Variants in TIMM10 observed in about 807,000 individuals in gnomAD.
TIMM10 encodes translocase of inner mitochondrial membrane 10, also known as mitochondrial import inner membrane translocase subunit Tim10.
In TIMM10, 13 loss-of-function variants were observed where a neutral mutation model predicts 9.1. The ratio of observed to expected loss-of-function variants is 1.42; its 90% CI spans 0.93 to 2.26. The LOEUF is 2.26. Ranked by LOEUF, TIMM10 falls within the 30% of genes most tolerant of loss-of-function variation. TIMM10 has a pLI of 0.00. For synonymous variants in TIMM10, 40 were observed against 42.1 expected (o/e 0.95, Z 0.20); for missense variants, 82 against 113.6 (o/e 0.72, Z 1.26).
intron 1 of TIMM10, 150 bp from the exon 2 acceptor site, chr11:57,530,384 CTG>C: frequency 1.7e-6 from 1 of 572,316 alleles, no homozygotes; most frequent in Non-Finnish European, 3.1e-6. Context: ...GATGTGGAAA[CTG>C]AGGCCTAGCC....
Position 57,528,483 on chromosome 11 carries a change from T to TTATATATATATATATATATATATATATA in TIMM10, c.*206_*233dup, listed in dbSNP as rs10547275. ...ACATAGTAGGTGTCAACAAACTTGTTTATATATATATATATATATATATAT... is the reference window on the plus strand; with the variant it reads ...ACATAGTAGGTGTCAACAAACTTGTTTATATATATATATATATATATATATATATATATATATATATATATATATATAT... On this transcript the variant is annotated 3_prime_UTR_variant, in exon 3 of 3. Transcript: ENST00000257245. 1 of 149,530 alleles carries TTATATATATATATATATATATATATATA rather than the reference T, an allele frequency of 6.7e-6. No individual in the cohort carries two copies. The highest frequency in any genetic ancestry group is 1.9e-4 in the East Asian group (1 of 5,404). The allele number at this position is 149,530 out of a possible 1,614,324, so 9.3% of individuals were successfully genotyped here.
At chr11:57,530,045 C>T in intron 2 of TIMM10, 74 bp downstream of exon 2, 1 of 1,550,942 alleles carries the variant, frequency 6.4e-7, no homozygotes, top group East Asian at 2.3e-5. Flanking sequence ...AGGAATTTGT[C>T]ATAAGTCATT....
rs1389699094 is a variant in TIMM10, at chr11:57,530,173, G to A, written c.17C>T (p.Ala6Val). The A allele has an allele frequency of 5.0e-6, 8 of 1,614,086 alleles. No homozygotes were observed. Among genetic ancestry groups the A allele is most frequent in the Non-Finnish European group, 6.8e-6 (8 of 1,179,992 alleles). MDPLR[A>V]QQLAAELEVE... ...CTCCAGCTCCGCAGCCAGCTGTTGG[G>A]CCCTGAGAGGATCCATCTCAGCCTA... Residue 6 changes from alanine to valine, a missense_variant, in exon 2 of 3, where the codon GCC (alanine) becomes GTC (valine). Physicochemically the swap from Ala to Val is moderately conservative, Grantham distance 64. Coordinates refer to ENST00000257245, the MANE Select transcript of TIMM10 (RefSeq NM_012456.3).
At chr11:57,529,034 C>T in intron 2 of TIMM10, 116 bp from the exon 3 acceptor site, 2 of 1,102,798 alleles carry the variant, frequency 1.8e-6, no homozygotes, top group Non-Finnish European at 2.7e-6. Flanking sequence ...AGTGTAAATC[C>T]TCAGTTTACA....
chr11:57,530,261 C>G, intron 1 of TIMM10, 27 bp from the exon 2 acceptor site: 2 of 1,515,040 alleles, frequency 1.3e-6, no homozygotes, highest in Non-Finnish European at 1.8e-6. Flanking sequence ...CCATCAGCAC[C>G]CACCGCCGCC....
intron 2 of TIMM10, 87 bp downstream of exon 2, chr11:57,530,032 G>T: frequency 2.0e-6 from 3 of 1,486,630 alleles, no homozygotes; most frequent in Non-Finnish European, 2.8e-6. Flanking sequence ...CCTACATTCA[G>T]GAAGGAATTT....
At chr11:57,529,959 C>T (rs1944782673) in intron 2 of TIMM10, among the ~76,000 whole-genome samples, 160 bp downstream of exon 2, 1 of 152,190 alleles carries the variant, frequency 6.6e-6, no homozygotes, top group Admixed American at 6.5e-5. Context: ...CCCTTTACTG[C>T]ATCTACATTA....
chr11:57,528,956 C>T lies in TIMM10; in HGVS notation c.72-38G>A, dbSNP rs1307279121. 4 of 1,606,476 alleles carry T rather than the reference C, an allele frequency of 2.5e-6. No homozygotes were observed. The African/African-American group carries it at 5.4e-5, about 22-fold the overall frequency. ...AGGGGCAAGGTCATGTCAGCAGCATCCTGTGACATCCCAGGAACCTTGACC... is the reference window on the plus strand; with the variant it reads ...AGGGGCAAGGTCATGTCAGCAGCATTCTGTGACATCCCAGGAACCTTGACC... On this transcript the variant is annotated intron_variant, in intron 2 of 2. Transcript: ENST00000257245.
Position 57,528,842 on chromosome 11 carries a change from A to G in TIMM10, c.148T>C (p.Cys50Arg). The change falls in exon 3 of 3, where the codon TGC (cysteine) becomes CGC (arginine). Residue 50 changes from cysteine to arginine, a missense_variant. Physicochemically the swap from Cys to Arg is radical, Grantham distance 180. Transcript: ENST00000257245. ...EAELSKGESV[C>R]LDRCVSKYLD... ...TACTTAGAGACACATCGGTCCAGGC[A>G]CACAGACTCGCCCTTGGAGAGCTCT... is the stretch of plus-strand genomic sequence containing the variant. 6.2e-7 allele frequency: 1 copy of G among 1,614,056 alleles called. No individual in the cohort carries two copies. The highest frequency in any genetic ancestry group is 8.5e-7 in the Non-Finnish European group (1 of 1,180,010).
chr11:57,530,269 G>T, intron 1 of TIMM10, 35 bp from the exon 2 acceptor site: 2 of 1,440,890 alleles, frequency 1.4e-6, no homozygotes, highest in South Asian at 1.1e-5. Context: ...ACCCACCGCC[G>T]CCGTTCACTC....
In TIMM10 at chr11:57,528,700, G is replaced by A; in HGVS notation, c.*17C>T. ...GAAGGGGTGGGGTACACCCCAGGGT[G>A]TATACTGACAGGGACCTCATGCAGG... On this transcript the variant is annotated 3_prime_UTR_variant, in exon 3 of 3. Transcript: ENST00000257245. 1 of 1,612,812 alleles carries A rather than the reference G, an allele frequency of 6.2e-7. No homozygotes were observed. The highest frequency in any genetic ancestry group is 1.1e-5 in the South Asian group (1 of 91,012).
In TIMM10 at chr11:57,528,483, T is replaced by TTATATATATATATATATATATA. The variant is rs10547275; in HGVS notation, c.*212_*233dup. On this transcript the variant is annotated 3_prime_UTR_variant, in exon 3 of 3. Coordinates refer to ENST00000257245, the MANE Select transcript of TIMM10 (RefSeq NM_012456.3). Reference sequence around the variant, plus strand: ...ACATAGTAGGTGTCAACAAACTTGTTTATATATATATATATATATATATAT... The same window carrying TTATATATATATATATATATATA: ...ACATAGTAGGTGTCAACAAACTTGTTTATATATATATATATATATATATATATATATATATATATATATATAT... The TTATATATATATATATATATATA allele has an allele frequency of 1.3e-5, 2 of 149,530 alleles. No individual in the cohort carries two copies. Among genetic ancestry groups the TTATATATATATATATATATATA allele is most frequent in the South Asian group, 2.2e-4 (1 of 4,454 alleles). The allele number at this position is 149,530 out of a possible 1,614,324, so 9.3% of individuals were successfully genotyped here.
Position 57,530,147 on chromosome 11 carries a change from C to T in TIMM10, c.43G>A (p.Val15Met). 1.2e-6 allele frequency: 2 copies of T among 1,614,222 alleles called. No individual in the cohort carries two copies. Among genetic ancestry groups the T allele is most frequent in the East Asian group, 2.2e-5 (1 of 44,890 alleles). The change falls in exon 2 of 3, where the codon GTG (valine) becomes ATG (methionine). Residue 15 changes from valine to methionine, a missense_variant. Physicochemically the swap from Val to Met is conservative, Grantham distance 21 (BLOSUM62 1). Transcript: ENST00000257245. Reference sequence around the variant, plus strand: ...TTGTACATATCGGCCATCATCTCCACCTCCAGCTCCGCAGCCAGCTGTTGG... The same window carrying T: ...TTGTACATATCGGCCATCATCTCCATCTCCAGCTCCGCAGCCAGCTGTTGG... ...RAQQLAAELE[V>M]EMMADMYNRM...
chr11:57,528,627 G>T lies in TIMM10; in HGVS notation c.*90C>A. On this transcript the variant is annotated 3_prime_UTR_variant, in exon 3 of 3. Transcript: ENST00000257245. ...ACTCTCTACAGAGAGCCTAGGCCTG[G>T]CAGTCTTCACAGATGACACCCAACA... 1.5e-6 allele frequency: 2 copies of T among 1,316,596 alleles called. No individual in the cohort carries two copies. The highest frequency in any genetic ancestry group is 2.2e-6 in the Non-Finnish European group (2 of 929,686). 81.6% of individuals were successfully genotyped at this position (1,316,596 alleles called of 1,614,324 possible). A position where few individuals can be genotyped will look rare whatever the true frequency, so the allele number is the denominator to read the frequency against.
Position 57,528,508 on chromosome 11 carries a change from TATATATATAC to T in TIMM10, c.*199_*208del. The T allele has an allele frequency of 5.9e-6, 1 of 169,412 alleles. No individual in the cohort carries two copies. The highest frequency in any genetic ancestry group is 1.2e-5 in the Non-Finnish European group (1 of 82,718). 10.5% of individuals were successfully genotyped at this position (169,412 alleles called of 1,614,324 possible). A position where few individuals can be genotyped will look rare whatever the true frequency, so the allele number is the denominator to read the frequency against. ...TTATATATATATATATATATATATA[TATATATATAC>T]ACATACATACACACACAGTCACATT... On this transcript the variant is annotated 3_prime_UTR_variant, in exon 3 of 3. Transcript: ENST00000257245.
At chr11:57,528,968 C>A (rs765498831) in intron 2 of TIMM10, 50 bp from the exon 3 acceptor site, 1 of 1,599,424 alleles carries the variant, frequency 6.3e-7, no homozygotes. Context: ...TGTGACATCC[C>A]AGGAACCTTG....
At chr11:57,529,072 T>C (rs1168055855) in intron 2 of TIMM10, among the ~76,000 whole-genome samples, 154 bp from the exon 3 acceptor site, 2 of 152,172 alleles carry the variant, frequency 1.3e-5, no homozygotes, top group African/African-American at 2.4e-5. Flanking sequence ...TCCTTGCAAG[T>C]AGGAAACTTG....
chr11:57,529,968 T>G, intron 2 of TIMM10, 151 bp downstream of exon 2: 1 of 748,954 alleles, frequency 1.3e-6, no homozygotes, highest in Non-Finnish European at 2.3e-6. Context: ...GCATCTACAT[T>G]AGGATCAACC....
At chr11:57,529,274 C>G (rs183977047) in intron 2 of TIMM10, among the ~76,000 whole-genome samples, 1 of 152,308 alleles carries the variant, frequency 6.6e-6, no homozygotes, top group East Asian at 1.9e-4. Context: ...CTAAGGATCA[C>G]ACAGAGCTGG....
Sources: gnomAD v4.1 joint callset for allele counts (sites outside exome capture counted in the v4.1 genomes callset) on GRCh38, gnomAD v4.1.1 for gene constraint, MANE v1.5 for transcripts, NCBI Gene and HGNC (gene_info 2026-07-23, HGNC 2026-07-21) for gene names.